The following ZNF638 variants were observed in gnomAD, a reference collection of about 807,000 sequenced individuals.
The protein encoded by ZNF638 is zinc finger protein 638, also known as CTCL tumor antigen se33-1.
In ZNF638, 46 loss-of-function variants were observed where a neutral mutation model predicts 195.6. That is an observed-to-expected ratio of 0.24 (90% CI 0.19 to 0.30). The LOEUF is 0.30. Ranked by LOEUF, ZNF638 falls within the 10% of genes least tolerant of loss-of-function variation. ZNF638 has a pLI of 1.00. For synonymous variants in ZNF638, 845 were observed against 772.0 expected, an observed-to-expected ratio of 1.09 and a Z score of -1.57; for missense variants, 2,440 against 2,325.3, an observed-to-expected ratio of 1.05 and a Z score of -1.01.
At chr2:71,407,258 G>A (rs924121063) in intron 19 of ZNF638, 4 of 152,034 alleles carry the variant, frequency 2.6e-5, no homozygotes, top group Non-Finnish European at 4.4e-5. Context: ...GCATAGAATG[G>A]AATATGATAA....
chr2:71,379,983 C>T (rs1378314206), intron 8 of ZNF638: 1 of 307,938 alleles, frequency 3.2e-6, no homozygotes, highest in Non-Finnish European at 6.0e-6. Context: ...AAGGCATCCA[C>T]CAGGGGTCTT....
At position 71,426,700 on chromosome 2, in the gene ZNF638, G is replaced by C. The variant is rs1249395444; in HGVS notation, c.4831G>C (p.Ala1611Pro). The change falls in exon 24 of 28, where the codon GCT becomes CCT. Residue 1611 changes from alanine to proline, a missense_variant. Physicochemically the swap from Ala to Pro is conservative, Grantham distance 27. Around this residue, in one of 5 missense-constraint regions of ZNF638, gnomAD observed 1,883 missense variants for 1,739.1 expected, o/e 1.08. Transcript: ENST00000264447. Reference protein sequence around the residue: ...LDEIGEEEDAAAHLAQALVTV... With the variant: ...LDEIGEEEDAPAHLAQALVTV... ...TGAGATTGGGGAAGAGGAAGATGCA[G>C]CTGCACATCTAGCACAAGCTCTAGT... The C allele has an allele frequency of 6.2e-7, 1 of 1,614,198 alleles. No homozygotes were observed. Among genetic ancestry groups the C allele is most frequent in the Non-Finnish European group, 8.5e-7 (1 of 1,180,030 alleles).
intron 20 of ZNF638, among the ~76,000 whole-genome samples, chr2:71,417,199 G>T (rs1477329690): frequency 6.6e-6 from 1 of 151,810 alleles, no homozygotes; most frequent in Non-Finnish European, 1.5e-5. Context: ...TCTTAAGCTG[G>T]TCTGAAAAGC....
At chr2:71,344,071 A>C (rs1240037547) in intron 1 of ZNF638, among the ~76,000 whole-genome samples, 4 of 152,242 alleles carry the variant, frequency 2.6e-5, no homozygotes, top group Non-Finnish European at 5.9e-5. Context: ...CGGAGGTTGC[A>C]GTGAGCCAAG....
chr2:71,364,526 TA>T (rs1047664178), intron 5 of ZNF638, among the ~76,000 whole-genome samples: 9 of 152,328 alleles, frequency 5.9e-5, no homozygotes, highest in African/African-American at 1.4e-4. Flanking sequence ...TGGATTAATT[TA>T]AAATGTTTTT....
intron 23 of ZNF638, among the ~76,000 whole-genome samples, chr2:71,426,147 A>C (rs2080535450): frequency 6.6e-6 from 1 of 152,166 alleles, no homozygotes; most frequent in Admixed American, 6.5e-5. Flanking sequence ...ACTGTCTGAC[A>C]AATACTTTAA....
intron 21 of ZNF638, among the ~76,000 whole-genome samples, chr2:71,422,258 T>C (rs1002058429): frequency 6.6e-6 from 1 of 151,994 alleles, no homozygotes; most frequent in Non-Finnish European, 1.5e-5. Flanking sequence ...TTATCATTAA[T>C]AAATATGGTT....
At chr2:71,339,442 C>T (rs1233438760) in intron 1 of ZNF638, among the ~76,000 whole-genome samples, 3 of 152,162 alleles carry the variant, frequency 2.0e-5, no homozygotes, top group East Asian at 1.9e-4. Flanking sequence ...TGAGCCACCG[C>T]GCCCGGCCAG....
intron 20 of ZNF638, chr2:71,408,753 C>T (rs1196502213): frequency 2.2e-6 from 1 of 453,394 alleles, no homozygotes; most frequent in Non-Finnish European, 4.5e-6. Flanking sequence ...TTTTCTCCTT[C>T]TATTCCATTG....
intron 3 of ZNF638, among the ~76,000 whole-genome samples, chr2:71,362,547 C>T (rs1204085316): frequency 6.6e-6 from 1 of 152,136 alleles, no homozygotes; most frequent in African/African-American, 2.4e-5. Context: ...TTTATAATTC[C>T]TTTTCATCAT....
intron 1 of ZNF638, among the ~76,000 whole-genome samples, chr2:71,338,816 T>C (rs1443936015): frequency 6.6e-6 from 1 of 152,230 alleles, no homozygotes; most frequent in African/African-American, 2.4e-5. Flanking sequence ...GCTTTCAGTG[T>C]TAGATATTTT....
At chr2:71,388,556 A>G in intron 10 of ZNF638, 2 of 741,834 alleles carry the variant, frequency 2.7e-6, no homozygotes, top group South Asian at 1.4e-5. Flanking sequence ...AAGGCCGAGC[A>G]GTTTCCTAGC....
In ZNF638 at chr2:71,357,473, A is replaced by G. The variant is rs139881301; in HGVS notation, c.1379+1693A>G. ...TAAGGAATACAGTCGAAAATCGAAA[A>G]TCTCTCCTAAGCAACATTTTCCCAG... On this transcript the variant is annotated intron_variant, in intron 3 of 27. Transcript: ENST00000264447. Among the ~76,000 whole-genome samples, 403 of 152,240 alleles carry G rather than the reference A, an allele frequency of 2.6e-3. 1 individual carries two copies. Among genetic ancestry groups the G allele is most frequent in the African/African-American group, 9.2e-3 (384 of 41,532 alleles).
At chr2:71,428,393 A>G (rs146749728) in intron 24 of ZNF638, 154 bp from the exon 25 acceptor site, 4 of 513,046 alleles carry the variant, frequency 7.8e-6, no homozygotes, top group African/African-American at 7.7e-5. Flanking sequence ...TTAAAATAGA[A>G]TTCTTCTATT....
At chr2:71,366,711 G>T (rs1487308709) in intron 6 of ZNF638, among the ~76,000 whole-genome samples, 1 of 152,148 alleles carries the variant, frequency 6.6e-6, no homozygotes, top group Non-Finnish European at 1.5e-5. Context: ...CCTGAGAATT[G>T]ATCATTATTC....
chr2:71,380,712 C>A, intron 10 of ZNF638, 147 bp downstream of exon 10: 1 of 526,874 alleles, frequency 1.9e-6, no homozygotes, highest in Admixed American at 3.9e-5. Flanking sequence ...ATTAAGCAGG[C>A]GGTTAATATT....
chr2:71,383,130 C>T (rs2079563684), intron 10 of ZNF638, among the ~76,000 whole-genome samples: 1 of 152,128 alleles, frequency 6.6e-6, no homozygotes, highest in African/African-American at 2.4e-5. Context: ...CAAGACCAGC[C>T]TGGCCAACAT....
In ZNF638 at chr2:71,422,818, G is replaced by A; in HGVS notation, c.3304G>A (p.Gly1102Ser). 1 of 1,606,796 alleles carries A rather than the reference G, an allele frequency of 6.2e-7. No individual in the cohort carries two copies. The highest frequency in any genetic ancestry group is 8.5e-7 in the Non-Finnish European group (1 of 1,176,764). The change falls in exon 22 of 28, where the codon GGC becomes AGC. Residue 1102 changes from glycine (G) to serine (S), a missense_variant. Gly to Ser is a moderately conservative substitution (Grantham distance 56). This residue lies in a region of ZNF638 where 1,883 missense variants were observed against 1,739.1 expected (regional missense o/e 1.08). Coordinates refer to ENST00000264447, the MANE Select transcript of ZNF638 (RefSeq NM_014497.5). Reference sequence around the variant, plus strand: ...TTTGTTTTTAAATACTTTTAGCCCTGGCTTGAAAAACAGTCCAATTGATGA... The same window carrying A: ...TTTGTTTTTAAATACTTTTAGCCCTAGCTTGAAAAACAGTCCAATTGATGA... The part of the protein sequence containing the change: ...HDPELEKESP[G>S]LKNSPIDESE...
Position 71,423,246 on chromosome 2 carries a change from A to G in ZNF638, c.3732A>G (p.Pro1244=), listed in dbSNP as rs765399605. The G allele has an allele frequency of 8.1e-6, 13 of 1,614,064 alleles. No homozygotes were observed. The highest frequency in any genetic ancestry group is 1.1e-5 in the Non-Finnish European group (13 of 1,180,022). The part of the protein sequence containing the change: ...RNLKGILEES[P]SEAEDFISGI... ...TCAAAGGAATTCTAGAAGAATCTCC[A>G]TCTGAAGCAGAAGATTTCATTTCTG... The change falls in exon 22 of 28, where the codon CCA becomes CCG. Residue 1244 remains proline (P), a synonymous_variant. Transcript: ENST00000264447.
Sources: gnomAD v4.1 joint callset for allele counts (sites outside exome capture counted in the v4.1 genomes callset) on GRCh38, gnomAD v4.1.1 for gene constraint, gnomAD v4.1.1 regional missense constraint, MANE v1.5 for transcripts, NCBI Gene and HGNC (gene_info 2026-07-23, HGNC 2026-07-21) for gene names.